The following ACSS3 variants were observed in gnomAD, a reference collection of about 807,000 sequenced individuals.
ACSS3 encodes the protein acyl-CoA synthetase short chain family member 3.
A neutral mutation model predicts 84.2 loss-of-function variants in ACSS3; 64 were observed. That is an observed-to-expected ratio of 0.76 (90% CI 0.62 to 0.94). The LOEUF (loss-of-function observed/expected upper bound fraction) is 0.94, where lower values mean the gene tolerates loss of function less well. ACSS3 is among the 40% of genes least tolerant of loss of function. The probability of loss-of-function intolerance (pLI) is 0.00; values close to 1 mark genes in which losing one functional copy is unlikely to be tolerated. For synonymous variants in ACSS3, 317 were observed against 310.1 expected (o/e 1.02, Z -0.23); for missense variants, 815 against 867.6 (o/e 0.94, Z 0.76).
chr12:81,087,829 C>G (rs902384921), intron 1 of ACSS3, among the ~76,000 whole-genome samples: 5 of 152,106 alleles, frequency 3.3e-5, no homozygotes, highest in South Asian at 2.1e-4. Context: ...GTTGGATACC[C>G]TAATTTTGGT....
intron 2 of ACSS3, among the ~76,000 whole-genome samples, chr12:81,121,967 T>C (rs1171149737): frequency 6.8e-6 from 1 of 146,540 alleles, no homozygotes; most frequent in Non-Finnish European, 1.5e-5. Context: ...GGAGTCTTGC[T>C]CTGCTGCCCA....
chr12:81,228,079 G>C (rs1203923096), intron 11 of ACSS3, among the ~76,000 whole-genome samples: 1 of 151,776 alleles, frequency 6.6e-6, no homozygotes, highest in African/African-American at 2.4e-5. Flanking sequence ...AAGATTAAAG[G>C]TACTTTTGAT....
chr12:81,238,262 G>A (rs915909234), intron 13 of ACSS3, among the ~76,000 whole-genome samples: 1 of 148,916 alleles, frequency 6.7e-6, no homozygotes, highest in African/African-American at 2.5e-5. Flanking sequence ...TGCTCATGAT[G>A]GCCTCTGTCA....
At chr12:81,177,261 A>T (rs2030553534) in intron 8 of ACSS3, among the ~76,000 whole-genome samples, 2 of 152,222 alleles carry the variant, frequency 1.3e-5, no homozygotes, top group South Asian at 4.1e-4. Flanking sequence ...CAAAACAAGG[A>T]TGTGCACTGT....
chr12:81,239,809 A>G (rs1269639483), intron 13 of ACSS3, among the ~76,000 whole-genome samples: 2 of 151,972 alleles, frequency 1.3e-5, no homozygotes, highest in African/African-American at 4.8e-5. Flanking sequence ...AAACATTTTA[A>G]TTTTCTTGTT....
intron 9 of ACSS3, among the ~76,000 whole-genome samples, chr12:81,216,225 C>T (rs1338534786): frequency 6.8e-6 from 1 of 147,392 alleles, no homozygotes; most frequent in Admixed American, 6.9e-5. Context: ...TTTTAGGGTA[C>T]GTGTGCACAA....
In ACSS3 at chr12:81,231,098, A is replaced by G. The variant is rs1297278528; in HGVS notation, c.1556A>G (p.Asn519Ser). ...PPGAFSGLWK[N>S]QEAFKHLYFE... The stretch of plus-strand genomic sequence containing the variant: ...GGGGCTTTTTCAGGACTCTGGAAGA[A>G]TCAGGAAGCATTCAAGCATTTATAC... Residue 519 changes from asparagine (N) to serine (S), a missense_variant, in exon 12 of 16, where the codon AAT becomes AGT. Asn to Ser is a conservative substitution (Grantham distance 46). Transcript: ENST00000548058. The G allele has an allele frequency of 1.9e-6, 3 of 1,610,950 alleles. No individual in the cohort carries two copies. Among genetic ancestry groups the G allele is most frequent in the Non-Finnish European group, 2.5e-6 (3 of 1,178,176 alleles).
rs141891842 is a variant in ACSS3 at position 81,210,224 on chromosome 12, C to T, written c.1355-6677C>T. On this transcript the variant is annotated intron_variant, in intron 9 of 15. Coordinates refer to ENST00000548058, the MANE Select transcript of ACSS3 (RefSeq NM_024560.4). ...ATAAGAGAAACCTAATCCTAAGGGT[C>T]GTAGACAGATTAAAATCCATCTTCT... 4.4e-3 allele frequency among the ~76,000 whole-genome samples: 666 copies of T among 152,230 alleles called. 5 individuals are homozygous for T. Among genetic ancestry groups the T allele is most frequent in the African/African-American group, 0.015 (642 of 41,530 alleles).
intron 1 of ACSS3, among the ~76,000 whole-genome samples, chr12:81,097,040 T>G (rs904522540): frequency 1.3e-5 from 2 of 152,368 alleles, no homozygotes; most frequent in Middle Eastern, 3.4e-3. Flanking sequence ...AGCACTCATA[T>G]GATGGCTACT....
chr12:81,199,631 A>G, intron 9 of ACSS3, 187 bp downstream of exon 9: 10 of 1,498,530 alleles, frequency 6.7e-6, no homozygotes, highest in Non-Finnish European at 8.9e-6. Context: ...CATAAGTGAC[A>G]TTGATGCCAC....
intron 9 of ACSS3, among the ~76,000 whole-genome samples, chr12:81,213,575 TCCTCTCCTCC>T (rs2032682278): frequency 3.7e-5 from 2 of 54,106 alleles, no homozygotes; most frequent in South Asian, 9.1e-4. Context: ...TCCTCTCCTC[TCCTCTCCTCC>T]CCTCCCCTCC....
intron 2 of ACSS3, among the ~76,000 whole-genome samples, chr12:81,117,790 T>A (rs576630912): frequency 4.3e-4 from 66 of 152,242 alleles, no homozygotes; most frequent in Admixed American, 1.4e-3. Flanking sequence ...CCCCATAACA[T>A]AAATCCCCTT....
At chr12:81,152,147 AC>A in intron 7 of ACSS3, 51 bp downstream of exon 7, 2 of 1,497,282 alleles carry the variant, frequency 1.3e-6, no homozygotes, top group Non-Finnish European at 1.8e-6. Flanking sequence ...TTTTATTAAA[AC>A]TTTTCATGAA....
Position 81,142,242 on chromosome 12 carries a change from G to A in ACSS3, c.781-865G>A, listed in dbSNP as rs141987226. On this transcript the variant is annotated intron_variant, in intron 4 of 15. Coordinates refer to ENST00000548058, the MANE Select transcript of ACSS3 (RefSeq NM_024560.4). ...TGCTTGTGCTTGTGCTAACATGTTC[G>A]CCAATTATAAACTTCCTGATGTGTG... Among the ~76,000 whole-genome samples, 36 of 152,034 alleles carry A rather than the reference G, an allele frequency of 2.4e-4. No homozygotes were observed. In the East Asian group the frequency reaches 4.3e-3, roughly 18 times the overall value.
intron 9 of ACSS3, among the ~76,000 whole-genome samples, chr12:81,206,922 C>A (rs989779887): frequency 6.6e-6 from 1 of 152,004 alleles, no homozygotes; most frequent in Admixed American, 6.6e-5. Context: ...ATCTTTATAG[C>A]ATTATAATGT....
chr12:81,198,359 CAG>C, intron 8 of ACSS3, among the ~76,000 whole-genome samples: 1 of 152,130 alleles, frequency 6.6e-6, no homozygotes, highest in Non-Finnish European at 1.5e-5. Flanking sequence ...AAGACAGAAA[CAG>C]AATGTTATTG....
chr12:81,111,215 G>A (rs1883552369), intron 2 of ACSS3, among the ~76,000 whole-genome samples: 1 of 152,156 alleles, frequency 6.6e-6, no homozygotes, highest in South Asian at 2.1e-4. Context: ...GAAGTGAGGA[G>A]TTAAGAAGAA....
chr12:81,191,173 A>G (rs940062484), intron 8 of ACSS3, among the ~76,000 whole-genome samples: 1 of 152,086 alleles, frequency 6.6e-6, no homozygotes, highest in African/African-American at 2.4e-5. Flanking sequence ...TGATGAACCT[A>G]TATTGATACT....
chr12:81,094,174 GTCTC>G (rs374875227), intron 1 of ACSS3, among the ~76,000 whole-genome samples: 2 of 108,940 alleles, frequency 1.8e-5, no homozygotes, highest in Non-Finnish European at 4.1e-5. Context: ...CTCTCTCTCT[GTCTC>G]TCTCTCTGTG....
Sources: allele counts gnomAD v4.1 joint callset (sites outside exome capture counted in the v4.1 genomes callset), GRCh38; gene constraint gnomAD v4.1.1; transcripts MANE v1.5; gene names NCBI Gene and HGNC (gene_info 2026-07-23, HGNC 2026-07-21).